The following RBPJ variants were observed in gnomAD, a reference collection of about 807,000 sequenced individuals.
RBPJ encodes recombination signal binding protein for immunoglobulin kappa J region.
Under a neutral mutation model 67.8 loss-of-function variants are expected in RBPJ, and 9 were observed. The ratio of observed to expected loss-of-function variants is 0.13; its 90% CI spans 0.08 to 0.23. The LOEUF is 0.23. Ranked by LOEUF, RBPJ falls within the 10% of genes least tolerant of loss-of-function variation. RBPJ has a pLI of 1.00. For missense variants in RBPJ, 305 were observed against 595.6 expected (o/e 0.51, Z 5.08); for synonymous variants, 198 against 203.3 (o/e 0.97, Z 0.22).
At chr4:26,303,106 G>A (rs1722123848) in intron 1 of RBPJ, among the ~76,000 whole-genome samples, 1 of 151,440 alleles carries the variant, frequency 6.6e-6, no homozygotes, top group African/African-American at 2.4e-5. Context: ...GCTTGAATCT[G>A]GGAGGTGGAG....
intron 1 of RBPJ, among the ~76,000 whole-genome samples, chr4:26,187,517 A>T (rs1007684087): frequency 3.9e-5 from 6 of 152,206 alleles, no homozygotes; most frequent in Admixed American, 3.3e-4. Flanking sequence ...ACAGAACAAC[A>T]TAAATATATT....
At chr4:26,329,632 C>T (rs1430403406) in intron 1 of RBPJ, among the ~76,000 whole-genome samples, 2 of 152,082 alleles carry the variant, frequency 1.3e-5, no homozygotes, top group Middle Eastern at 3.2e-3. Context: ...CGGTGGCTCA[C>T]GCTTGTAATC....
intron 2 of RBPJ, among the ~76,000 whole-genome samples, chr4:26,392,804 T>C (rs1301410966): frequency 2.0e-5 from 3 of 152,256 alleles, no homozygotes; most frequent in Non-Finnish European, 4.4e-5. Flanking sequence ...TTTTACTATA[T>C]TTCAATTAAA....
At chr4:26,239,414 A>G (rs1719558507) in intron 1 of RBPJ, among the ~76,000 whole-genome samples, 1 of 152,252 alleles carries the variant, frequency 6.6e-6, no homozygotes, top group South Asian at 2.1e-4. Flanking sequence ...AACACTTTGC[A>G]TTGAGCAGCA....
At chr4:26,106,443 G>C in the RBPJ span, among the ~76,000 whole-genome samples, 1 of 152,206 alleles carries the variant, frequency 6.6e-6, no homozygotes, top group South Asian at 2.1e-4. Context: ...GATTGTAGCA[G>C]ATATGTCAAA....
At chr4:26,316,839 T>TC (rs1722667827), upstream of RBPJ, among the ~76,000 whole-genome samples, 1 of 137,584 alleles carries the variant, frequency 7.3e-6, no homozygotes, top group South Asian at 2.3e-4. Flanking sequence ...TTTTTTTTTT[T>TC]TTTTTTTTTT....
upstream of RBPJ, among the ~76,000 whole-genome samples, chr4:26,318,959 T>A (rs1197833107): frequency 2.3e-5 from 3 of 132,306 alleles, no homozygotes; most frequent in Admixed American, 2.0e-4. Flanking sequence ...ATCGCGCCAC[T>A]GCACTCTAGC....
intron 1 of RBPJ, among the ~76,000 whole-genome samples, chr4:26,202,596 G>T (rs74776219): frequency 0.082 from 12,430 of 151,756 alleles, 656 homozygotes; most frequent in South Asian, 0.19. Context: ...AGCAAATCTG[G>T]TTGTCTCTTT....
At chr4:26,270,930 G>A (rs1577376462) in intron 1 of RBPJ, among the ~76,000 whole-genome samples, 2 of 151,834 alleles carry the variant, frequency 1.3e-5, no homozygotes, top group Middle Eastern at 6.8e-3. Context: ...GGTCAACCAT[G>A]GTTCGAAAAT....
At chr4:26,280,392 T>C (rs1300805543) in intron 1 of RBPJ, among the ~76,000 whole-genome samples, 2 of 60,634 alleles carry the variant, frequency 3.3e-5, no homozygotes, top group Non-Finnish European at 5.4e-5. Context: ...CAACACTTCA[T>C]CTCAAAAAAA....
At chr4:26,388,741 T>TA (rs1731183052) in intron 2 of RBPJ, among the ~76,000 whole-genome samples, 1 of 152,162 alleles carries the variant, frequency 6.6e-6, no homozygotes, top group African/African-American at 2.4e-5. Flanking sequence ...TAGCAATAGA[T>TA]ACTATCTAAA....
chr4:26,169,802 C>T (rs543480667), intron 1 of RBPJ, among the ~76,000 whole-genome samples: 7 of 152,236 alleles, frequency 4.6e-5, no homozygotes, highest in Non-Finnish European at 2.9e-5. Flanking sequence ...CCCAGCCTCG[C>T]TGCCGCCTTG....
chr4:26,367,363 G>T (rs904634340), intron 1 of RBPJ, among the ~76,000 whole-genome samples: 3 of 151,988 alleles, frequency 2.0e-5, no homozygotes, highest in African/African-American at 7.3e-5. Context: ...TCAACTACTT[G>T]GGAGGCTGAG....
the RBPJ span, among the ~76,000 whole-genome samples, chr4:26,106,010 G>A: frequency 6.6e-6 from 1 of 152,156 alleles, no homozygotes; most frequent in Non-Finnish European, 1.5e-5. Flanking sequence ...GATGCAATCT[G>A]TGATAAATAA....
At chr4:26,134,505 A>G in the RBPJ span, among the ~76,000 whole-genome samples, 1 of 152,188 alleles carries the variant, frequency 6.6e-6, no homozygotes, top group East Asian at 1.9e-4. Flanking sequence ...AAGTGTAAGG[A>G]GAGTTCAGTG....
At chr4:26,119,913 C>T in the RBPJ span, among the ~76,000 whole-genome samples, 2 of 152,230 alleles carry the variant, frequency 1.3e-5, no homozygotes, top group African/African-American at 4.8e-5. Context: ...TAAGACCCCA[C>T]CATTGTGGCT....
chr4:26,157,941 C>A, the RBPJ span, among the ~76,000 whole-genome samples: 1 of 152,110 alleles, frequency 6.6e-6, no homozygotes, highest in Non-Finnish European at 1.5e-5. Context: ...ATTGAGCTAC[C>A]AGATAGCTAC....
chr4:26,202,852 T>C (rs1360473027), intron 1 of RBPJ, among the ~76,000 whole-genome samples: 1 of 150,514 alleles, frequency 6.6e-6, no homozygotes, highest in Non-Finnish European at 1.5e-5. Flanking sequence ...GAGGTTGCAG[T>C]GAGCTGAGAT....
intron 1 of RBPJ, among the ~76,000 whole-genome samples, chr4:26,248,029 A>G (rs112232398): frequency 9.3e-4 from 142 of 152,232 alleles, no homozygotes; most frequent in African/African-American, 3.2e-3. Flanking sequence ...CATGGTGGCT[A>G]ACTCCTATAA....
Sources: gnomAD v4.1 joint callset for allele counts (sites outside exome capture counted in the v4.1 genomes callset) on GRCh38, gnomAD v4.1.1 for gene constraint, MANE v1.5 for transcripts, NCBI Gene and HGNC (gene_info 2026-07-23, HGNC 2026-07-21) for gene names.